RTL5: variants seen among roughly 807,000 people sequenced by gnomAD.
RTL5 encodes retrotransposon Gag-like protein 5.
In RTL5, 8 loss-of-function variants were observed where a neutral mutation model predicts 7.7. That is an observed-to-expected ratio of 1.04 (90% CI 0.61 to 1.88). The LOEUF (loss-of-function observed/expected upper bound fraction) is 1.88, where lower values mean the gene tolerates loss of function less well. RTL5 is among the 40% of genes most tolerant of loss of function. The pLI, the probability that RTL5 is intolerant of heterozygous loss-of-function variation, is 0.00. For synonymous variants in RTL5, 188 were observed against 191.8 expected (o/e 0.98, Z 0.16); for missense variants, 457 against 472.7 (o/e 0.97, Z 0.31).
At chrX:72,129,940 C>T (rs755049099) in exon 1 of RTL5, 20 of 1,208,939 alleles carry the variant, frequency 1.7e-5, no homozygotes, top group South Asian at 7.1e-5. Context: ...ACGACCTGTG[C>T]GGCGAATCAG....
chrX:72,129,801 G>A, exon 1 of RTL5: 1 of 1,157,943 alleles, frequency 8.6e-7, no homozygotes, highest in Middle Eastern at 2.5e-4. Flanking sequence ...AAAGAAGGGT[G>A]TGTTCTGGGT....
exon 1 of RTL5, chrX:72,131,714 C>T: frequency 2.6e-6 from 1 of 388,548 alleles, no homozygotes; most frequent in Non-Finnish European, 4.1e-6. Context: ...GGGCGGCGCT[C>T]TGGGCGGAGG....
chrX:72,127,641 T>TAGCAGGTCCCCTCGAAGAAC (rs1189348272), downstream of RTL5: 3 of 112,599 alleles, frequency 2.7e-5, no homozygotes, highest in Non-Finnish European at 5.6e-5. Context: ...CCTCGAAGAA[T>TAGCAGGTCCCCTCGAAGAAC]AGCAGGTCCC....
At chrX:72,127,698 C>G (rs1018325937), downstream of RTL5, 6 of 72,675 alleles carry the variant, frequency 8.3e-5, no homozygotes, top group Non-Finnish European at 2.1e-4. Flanking sequence ...TTGAGGAAAT[C>G]AGATAAAATC....
exon 1 of RTL5, chrX:72,129,721 C>T: frequency 1.3e-6 from 1 of 765,013 alleles, no homozygotes; most frequent in African/African-American, 2.1e-5. Context: ...TTCTGCAGGT[C>T]TGAAACTCCC....
chrX:72,128,550 C>G (rs777468531), exon 1 of RTL5: 1 of 112,739 alleles, frequency 8.9e-6, no homozygotes, highest in South Asian at 3.6e-4. Flanking sequence ...TGAGTTTGTA[C>G]CTAGAAGTCC....
At position 72,131,682 on chromosome X, in the gene RTL5, C is replaced by T; in HGVS notation, c.-142G>A. On this transcript the variant is annotated 5_prime_UTR_variant, in exon 1 of 1. It adds an upstream start codon to the 5' untranslated region. Transcript: ENST00000609883. The stretch of plus-strand genomic sequence containing the variant: ...GCGGGGCACGGGCCAGGCCGGGCCA[C>T]ACCCACCGGGGCGAGCTCGGAGGGC... The T allele has an allele frequency of 1.8e-6, 1 of 544,483 alleles. No homozygotes were observed. The highest frequency in any genetic ancestry group is 2.7e-6 in the Non-Finnish European group (1 of 374,584). 44.9% of individuals were successfully genotyped at this position (544,483 alleles called of 1,213,427 possible).
chrX:72,127,646 G>A (rs1008648529), downstream of RTL5: 2 of 112,697 alleles, frequency 1.8e-5, no homozygotes, highest in Non-Finnish European at 3.7e-5. Flanking sequence ...AAGAATAGCA[G>A]GTCCCCTCGA....
At chrX:72,130,949 C>T (rs781538637) in exon 1 of RTL5, 5 of 1,209,830 alleles carry the variant, frequency 4.1e-6, no homozygotes, top group Non-Finnish European at 5.6e-6. Flanking sequence ...TCCTTGGCTT[C>T]GCCAGTGAAA....
At position 72,130,606 on chromosome X, in the gene RTL5, C is replaced by G. The variant is rs903596881; in HGVS notation, c.935G>C (p.Arg312Pro). 8.3e-7 allele frequency: 1 copy of G among 1,211,587 alleles called. No individual in the cohort carries two copies. Residue 312 changes from arginine (R) to proline (P), a missense_variant, in exon 1 of 1, where the codon CGC (arginine) becomes CCC (proline). Transcript: ENST00000609883. ...AGGGAGCGGGATAGGCTTGGGAACG[C>G]GCACTTTTCTTTCTATCTCCACACA...
At chrX:72,130,447 C>T (rs755935647) in exon 1 of RTL5, 7 of 1,205,428 alleles carry the variant, frequency 5.8e-6, no homozygotes, top group South Asian at 5.3e-5. Context: ...AGCCCTCATG[C>T]GCTTCCTCTG....
exon 1 of RTL5, chrX:72,129,641 C>G: frequency 4.5e-6 from 2 of 446,554 alleles, no homozygotes; most frequent in South Asian, 3.8e-5. Context: ...CCAGGTGGCC[C>G]TGGTTGGGCA....
exon 1 of RTL5, chrX:72,129,176 G>A (rs2042257380): frequency 8.8e-6 from 1 of 113,154 alleles, no homozygotes; most frequent in African/African-American, 3.2e-5. Flanking sequence ...AGTCAGTCAA[G>A]GGCAAATCTC....
At chrX:72,130,232 C>T in exon 1 of RTL5, 1 of 1,210,437 alleles carries the variant, frequency 8.3e-7, no homozygotes, top group Non-Finnish European at 1.1e-6. Flanking sequence ...TGCTGTGGCT[C>T]TCCTTCTGGT....
exon 1 of RTL5, chrX:72,130,110 C>G (rs201171574): frequency 9.9e-6 from 12 of 1,208,594 alleles, no homozygotes; most frequent in Non-Finnish European, 1.1e-5. Flanking sequence ...TCTGGGATGA[C>G]GCGTGAACAA....
exon 1 of RTL5, chrX:72,129,959 A>T: frequency 8.3e-7 from 1 of 1,209,771 alleles, no homozygotes; most frequent in East Asian, 3.0e-5. Context: ...AGTTGGGGGG[A>T]GCTGTAGAAT....
At chrX:72,130,701 C>A in exon 1 of RTL5, 1 of 1,211,986 alleles carries the variant, frequency 8.3e-7, no homozygotes, top group Non-Finnish European at 1.1e-6. Flanking sequence ...AGAATTCCGA[C>A]AGGCCTTTGA....
chrX:72,129,620 T>A (rs1212079266), exon 1 of RTL5: 1 of 426,537 alleles, frequency 2.3e-6, no homozygotes, highest in Non-Finnish European at 4.0e-6. Flanking sequence ...CTATTGCTGA[T>A]CCCTCCTTTC....
exon 1 of RTL5, chrX:72,129,019 T>C (rs917292995): frequency 8.0e-5 from 9 of 112,749 alleles, no homozygotes; most frequent in African/African-American, 2.9e-4. Context: ...GAGCCTGCAA[T>C]GTTGGGCGCT....
Sources: allele counts gnomAD v4.1 joint callset, GRCh38; gene constraint gnomAD v4.1.1; transcripts MANE v1.5; gene names NCBI Gene and HGNC (gene_info 2026-07-23, HGNC 2026-07-21).